The following ATP13A4 variants were observed in gnomAD, a reference collection of about 807,000 sequenced individuals.
ATP13A4 encodes probable cation-transporting ATPase 13A4.
Under a neutral mutation model 142.5 loss-of-function variants are expected in ATP13A4, and 114 were observed. The ratio of observed to expected loss-of-function variants is 0.80; its 90% CI spans 0.69 to 0.93. ATP13A4 has a LOEUF of 0.93. Among genes scored for constraint, ATP13A4 ranks in the 40% least tolerant of loss-of-function variants. The pLI, the probability that ATP13A4 is intolerant of heterozygous loss-of-function variation, is 0.00. For synonymous variants in ATP13A4, 488 were observed against 514.8 expected (o/e 0.95, Z 0.70); for missense variants, 1,392 against 1,454.0 (o/e 0.96, Z 0.69).
intron 1 of ATP13A4, among the ~76,000 whole-genome samples, chr3:193,515,672 C>T (rs150814614): frequency 1.1e-3 from 175 of 152,274 alleles, no homozygotes; most frequent in African/African-American, 4.1e-3. Flanking sequence ...AAGAGTCTCA[C>T]CTCTAATAAA....
intron 1 of ATP13A4, among the ~76,000 whole-genome samples, chr3:193,584,925 A>T (rs927780236): frequency 2.0e-5 from 3 of 152,140 alleles, no homozygotes; most frequent in Non-Finnish European, 4.4e-5. Flanking sequence ...CATGATATGG[A>T]ATGTTCCCAT....
chr3:193,550,133 C>T (rs954619744), intron 1 of ATP13A4, among the ~76,000 whole-genome samples: 3 of 152,194 alleles, frequency 2.0e-5, no homozygotes, highest in Middle Eastern at 3.4e-3. Context: ...TTATTTCAAG[C>T]TACCAATGTG....
intron 2 of ATP13A4, among the ~76,000 whole-genome samples, chr3:193,513,530 A>G (rs938256535): frequency 8.5e-5 from 13 of 152,292 alleles, no homozygotes; most frequent in Admixed American, 5.2e-4. Context: ...CCACATAGTA[A>G]CAGAATCGCT....
At chr3:193,527,626 AG>A (rs1560258732) in intron 1 of ATP13A4, among the ~76,000 whole-genome samples, 3 of 149,662 alleles carry the variant, frequency 2.0e-5, no homozygotes, top group African/African-American at 7.3e-5. Flanking sequence ...AAAAAAAAAA[AG>A]GGCAGCACTT....
At chr3:193,551,143 G>GT (rs1723537461) in intron 1 of ATP13A4, among the ~76,000 whole-genome samples, 1 of 152,196 alleles carries the variant, frequency 6.6e-6, no homozygotes, top group South Asian at 2.1e-4. Flanking sequence ...GCCAGGTGCG[G>GT]TGGCTCATGC....
intron 29 of ATP13A4, 85 bp downstream of exon 29, chr3:193,407,225 AGTT>A (rs1213735674): frequency 8.3e-7 from 1 of 1,197,886 alleles, no homozygotes; most frequent in African/African-American, 1.5e-5. Context: ...TGTCAGCTAA[AGTT>A]GTTGTTTTCA....
At chr3:193,405,541 C>G (rs941449098) in intron 29 of ATP13A4, among the ~76,000 whole-genome samples, 4 of 152,130 alleles carry the variant, frequency 2.6e-5, no homozygotes, top group African/African-American at 9.7e-5. Flanking sequence ...GATGTAAAGT[C>G]CGGCTCTGTG....
At chr3:193,484,310 A>AAAATAAATAAATAAAT (rs201541607) in intron 7 of ATP13A4, among the ~76,000 whole-genome samples, 64 of 144,588 alleles carry the variant, frequency 4.4e-4, no homozygotes, top group Non-Finnish European at 5.1e-4. Context: ...ACTCTGTCTC[A>AAAATAAATAAATAAAT]AAATAAATAA....
intron 1 of ATP13A4, among the ~76,000 whole-genome samples, chr3:193,535,119 A>G (rs988036536): frequency 1.2e-4 from 18 of 152,174 alleles, no homozygotes; most frequent in Admixed American, 2.0e-4. Context: ...AATAATTCAT[A>G]GAACAACTAA....
chr3:193,532,147 G>C (rs1368112452), intron 1 of ATP13A4, among the ~76,000 whole-genome samples: 1 of 152,028 alleles, frequency 6.6e-6, no homozygotes, highest in East Asian at 1.9e-4. Context: ...CAGCGTCTCA[G>C]CTGATTCTTA....
In ATP13A4 at chr3:193,404,274, C is replaced by CAG. The variant is rs139848067; in HGVS notation, c.3379-1412_3379-1411dup. The CAG allele has an allele frequency of 2.6e-3, 1,086 of 416,042 alleles. 8 individuals carry two copies. Among genetic ancestry groups the CAG allele is most frequent in the African/African-American group, 0.023 (1,024 of 45,200 alleles). The allele number at this position is 416,042 out of a possible 1,614,324, so 25.8% of individuals were successfully genotyped here. On this transcript the variant is annotated intron_variant, in intron 29 of 29. Coordinates refer to ENST00000342695, the MANE Select transcript of ATP13A4 (RefSeq NM_032279.4). ...AGATGAAACCACACACACACACACA[C>CAG]AGAGAGAGAAACTTTGGTGCTCTCC...
intron 7 of ATP13A4, among the ~76,000 whole-genome samples, chr3:193,489,258 T>A (rs1719809138): frequency 6.6e-6 from 1 of 152,126 alleles, no homozygotes; most frequent in African/African-American, 2.4e-5. Context: ...CTATGTAATT[T>A]TTTTTTTCCA....
At chr3:193,431,688 A>G (rs1016375333) in intron 25 of ATP13A4, among the ~76,000 whole-genome samples, 1 of 151,270 alleles carries the variant, frequency 6.6e-6, no homozygotes, top group African/African-American at 2.4e-5. Flanking sequence ...ATGTGGGTAT[A>G]TATACATTTA....
chr3:193,441,340 T>G (rs1237976268), intron 20 of ATP13A4, 126 bp downstream of exon 20: 2 of 1,211,548 alleles, frequency 1.7e-6, no homozygotes, highest in Non-Finnish European at 2.4e-6. Context: ...TCTGTCTCTC[T>G]TAAGATACAG....
At chr3:193,456,113 C>A (rs1389297947) in intron 16 of ATP13A4, among the ~76,000 whole-genome samples, 1 of 152,012 alleles carries the variant, frequency 6.6e-6, no homozygotes, top group Non-Finnish European at 1.5e-5. Context: ...GTACAAGAAA[C>A]CCCCATGACA....
intron 13 of ATP13A4, among the ~76,000 whole-genome samples, chr3:193,461,284 C>T (rs138892835): frequency 4.6e-5 from 7 of 152,184 alleles, no homozygotes; most frequent in Non-Finnish European, 7.4e-5. Flanking sequence ...TTTAGATGAG[C>T]GATTACTGTG....
In ATP13A4 at chr3:193,592,744, G is replaced by A. The variant is rs114724534; in HGVS notation, n.91+277C>T. ...GGACTTAGCCTATCCATGACTCTTC[G>A]TCCTGCTTCTCACCTCCCATGATTG... On this transcript the variant is annotated intron_variant and non_coding_transcript_variant, in intron 1 of 3. Coordinates refer to the ATP13A4 transcript ENST00000489140. 5.4e-3 allele frequency among the ~76,000 whole-genome samples: 827 copies of A among 152,200 alleles called. 11 individuals carry two copies. Among genetic ancestry groups the A allele is most frequent in the African/African-American group, 0.018 (763 of 41,512 alleles).
At chr3:193,411,727 C>A (rs1714775691) in intron 27 of ATP13A4, among the ~76,000 whole-genome samples, 1 of 152,184 alleles carries the variant, frequency 6.6e-6, no homozygotes, top group Non-Finnish European at 1.5e-5. Context: ...GCCTCCATAA[C>A]CCTCTCTAGT....
chr3:193,528,690 C>G (rs941667381), intron 1 of ATP13A4, among the ~76,000 whole-genome samples: 4 of 152,040 alleles, frequency 2.6e-5, no homozygotes, highest in Admixed American at 6.6e-5. Flanking sequence ...TTTTAATGCT[C>G]TTATTACTAC....
Sources: gnomAD v4.1 joint callset for allele counts (sites outside exome capture counted in the v4.1 genomes callset) on GRCh38, gnomAD v4.1.1 for gene constraint, MANE v1.5 for transcripts, NCBI Gene and HGNC (gene_info 2026-07-23, HGNC 2026-07-21) for gene names.